The following SERPINF2 variants were observed in gnomAD, a reference collection of about 807,000 sequenced individuals.
The protein encoded by SERPINF2 is alpha-2-antiplasmin.
In SERPINF2, 15 loss-of-function variants were observed where a neutral mutation model predicts 45.0. The observed-to-expected ratio is 0.33, with a 90% CI of 0.22 to 0.51. The LOEUF (loss-of-function observed/expected upper bound fraction) is 0.51. Among genes scored for constraint, SERPINF2 ranks in the 20% least tolerant of loss-of-function variants. The pLI is 0.97. For missense variants in SERPINF2, 518 were observed against 637.4 expected, an observed-to-expected ratio of 0.81 and a Z score of 2.02; for synonymous variants, 283 against 277.9, an observed-to-expected ratio of 1.02 and a Z score of -0.18.
chr17:1,753,092 G>C (rs547081552), intron 9 of SERPINF2, among the ~76,000 whole-genome samples: 3 of 152,320 alleles, frequency 2.0e-5, no homozygotes, highest in African/African-American at 7.2e-5. Flanking sequence ...GGGGAAGGAG[G>C]AGAAGCTGGG....
intron 5 of SERPINF2, among the ~76,000 whole-genome samples, 171 bp from the exon 6 acceptor site, chr17:1,746,848 C>A (rs544300983): frequency 3.3e-5 from 5 of 152,270 alleles, no homozygotes; most frequent in African/African-American, 1.2e-4. Context: ...TGAGGTCACC[C>A]AGCCTGTCAG....
Position 1,745,756 on chromosome 17 carries a change from A to C in SERPINF2, c.214A>C (p.Arg72=). Residue 72 remains arginine, a synonymous_variant, in exon 5 of 10, where the codon AGA becomes CGA. Coordinates refer to ENST00000453066, the MANE Select transcript of SERPINF2 (RefSeq NM_000934.4). This position sits in a 1 kb window ranked among gnomAD's most constrained non-coding sequence, Gnocchi z 6.2. The part of the protein sequence containing the change: ...ALKSPPGVCS[R]DPTPEQTHRL... ...GAAGAGTCCCCCAGGAGTCTGCAGC[A>C]GAGACCCCACCCCAGAGCAGACCCA... 6.2e-7 allele frequency: 1 copy of C among 1,613,998 alleles called. No individual in the cohort carries two copies. Among genetic ancestry groups the C allele is most frequent in the Non-Finnish European group, 8.5e-7 (1 of 1,180,002 alleles).
rs1906723121 is a variant in SERPINF2, at chr17:1,754,858, C to A, written c.*324C>A. The A allele has an allele frequency of 2.3e-6, 1 of 432,040 alleles. No homozygotes were observed. 26.8% of individuals were successfully genotyped at this position (432,040 alleles called of 1,614,324 possible). ...CTGCTCCCCACGTCAGCTGGGACAC[C>A]CCGACTTTTGTTTACCAGAGAAAAA... is the stretch of plus-strand genomic sequence containing the variant. On this transcript the variant is annotated 3_prime_UTR_variant, in exon 10 of 10. Transcript: ENST00000453066.
rs1193544078 is a variant in SERPINF2 at position 1,754,890 on chromosome 17, G to A, written c.*356G>A. ...TTTGTTTACCAGAGAAAAAGGGAGG[G>A]GGAGAGGGCTGCCTTTGGACTTGTC... is the stretch of plus-strand genomic sequence containing the variant. On this transcript the variant is annotated 3_prime_UTR_variant, in exon 10 of 10. Transcript: ENST00000453066. 2.7e-6 allele frequency: 1 copy of A among 365,492 alleles called. No homozygotes were observed. The highest frequency in any genetic ancestry group is 5.0e-6 in the Non-Finnish European group (1 of 201,422). The allele number at this position is 365,492 out of a possible 1,614,324, so 22.6% of individuals were successfully genotyped here. A position where few individuals can be genotyped will look rare whatever the true frequency, so the allele number is the denominator to read the frequency against.
chr17:1,754,931 T>G lies in SERPINF2; in HGVS notation c.*397T>G. 3.9e-6 allele frequency: 1 copy of G among 256,504 alleles called. No homozygotes were observed. The highest frequency in any genetic ancestry group is 2.2e-5 in the African/African-American group (1 of 44,610). The allele number at this position is 256,504 out of a possible 1,614,324, so 15.9% of individuals were successfully genotyped here. On this transcript the variant is annotated 3_prime_UTR_variant, in exon 10 of 10. Coordinates refer to ENST00000453066, the MANE Select transcript of SERPINF2 (RefSeq NM_000934.4). Reference sequence around the variant, plus strand: ...TGGACTTGTCCCGGGACACCTAGGCTAGGGTGGGGAGAGACGGGCCCTGGT... The same window carrying G: ...TGGACTTGTCCCGGGACACCTAGGCGAGGGTGGGGAGAGACGGGCCCTGGT...
chr17:1,748,405 GA>G (rs2151191954), intron 7 of SERPINF2, among the ~76,000 whole-genome samples, 192 bp from the exon 8 acceptor site: 1 of 152,256 alleles, frequency 6.6e-6, no homozygotes, highest in South Asian at 2.1e-4. Context: ...AGAGACCTTA[GA>G]TCAATTGGAT....
rs1240073044 is a variant in SERPINF2 at position 1,745,679 on chromosome 17, C to A, written c.166-29C>A. 2 of 1,607,380 alleles carry A rather than the reference C, an allele frequency of 1.2e-6. No individual in the cohort carries two copies. The highest frequency in any genetic ancestry group is 4.5e-5 in the East Asian group (2 of 44,862). ...ACAGAACCTGGAGCTGACCCCTTGA[C>A]CTCCCTGACCCCTGATCTGTCCCTG... On this transcript the variant is annotated intron_variant, in intron 4 of 9. Transcript: ENST00000453066. This position sits in a 1 kb window ranked among gnomAD's most constrained non-coding sequence, Gnocchi z 6.2.
chr17:1,754,153 G>T lies in SERPINF2; in HGVS notation c.1095G>T (p.Leu365=). The T allele has an allele frequency of 1.2e-6, 2 of 1,609,216 alleles. No individual in the cohort carries two copies. The highest frequency in any genetic ancestry group is 8.5e-7 in the Non-Finnish European group (1 of 1,179,992). The change falls in exon 10 of 10, where the codon CTG becomes CTT. Residue 365 remains leucine (L), a synonymous_variant. Transcript: ENST00000453066. ...GLQELFQAPD[L]RGISEQSLVV... is the part of the protein sequence containing the mutation. ...AGGAGTTGTTCCAGGCCCCAGACCT[G>T]CGTGGGATCTCCGAGCAGAGCCTGG...
In SERPINF2 at chr17:1,745,186, G is replaced by C; in HGVS notation, c.75G>C (p.Val25=). 1 of 1,568,426 alleles carries C rather than the reference G, an allele frequency of 6.4e-7. No homozygotes were observed. Among genetic ancestry groups the C allele is most frequent in the Non-Finnish European group, 8.6e-7 (1 of 1,156,840 alleles). ...LQGPCSVFSP[V]SAMEPLGRQL... Reference sequence around the variant, plus strand: ...CCCTTTCTCCACAGTTCTCCCCTGTGAGCGCCATGGAGCCCTTGGGCCGGC... The same window carrying C: ...CCCTTTCTCCACAGTTCTCCCCTGTCAGCGCCATGGAGCCCTTGGGCCGGC... Residue 25 remains valine (V), a synonymous_variant, in exon 3 of 10, where the codon GTG becomes GTC. Transcript: ENST00000453066. This position sits in a 1 kb window ranked among gnomAD's most constrained non-coding sequence, Gnocchi z 6.2.
chr17:1,745,968 C>G lies in SERPINF2; in HGVS notation c.367+59C>G. ...CTGGGAGGCCAGTAGGAACTCAGTA[C>G]TCCAATGGTTCTCCGCGGGCGGTTC... On this transcript the variant is annotated intron_variant, in intron 5 of 9. Coordinates refer to ENST00000453066, the MANE Select transcript of SERPINF2 (RefSeq NM_000934.4). The surrounding 1 kb of genome is among the most constrained non-coding windows in gnomAD (Gnocchi z 6.2). 6.4e-7 allele frequency: 1 copy of G among 1,568,362 alleles called. No homozygotes were observed. Among genetic ancestry groups the G allele is most frequent in the Non-Finnish European group, 8.8e-7 (1 of 1,138,814 alleles).
Position 1,742,923 on chromosome 17 carries a change from G to C in SERPINF2, c.-5+15G>C, listed in dbSNP as rs1213652220. On this transcript the variant is annotated intron_variant, in intron 1 of 9. Coordinates refer to ENST00000453066, the MANE Select transcript of SERPINF2 (RefSeq NM_000934.4). ...AGCCCGCAGAGGTATGAGGGGAGGG[G>C]CTGCTCGGCCTGCTCCTTGGGTAGG... 3.0e-6 allele frequency: 3 copies of C among 985,310 alleles called. No individual in the cohort carries two copies. Among genetic ancestry groups the C allele is most frequent in the Non-Finnish European group, 3.6e-6 (3 of 830,012 alleles). The allele number at this position is 985,310 out of a possible 1,614,324, so 61.0% of individuals were successfully genotyped here.
intron 5 of SERPINF2, 110 bp from the exon 6 acceptor site, chr17:1,746,909 C>T (rs117378188): frequency 0.036 from 49,505 of 1,366,180 alleles, 1,020 homozygotes; most frequent in Non-Finnish European, 0.042. Flanking sequence ...GGAAGGATGG[C>T]GTGTGGTCCC....
intron 1 of SERPINF2, 153 bp from the exon 2 acceptor site, chr17:1,744,839 C>T (rs543115254): frequency 2.0e-5 from 20 of 985,438 alleles, no homozygotes; most frequent in Middle Eastern, 5.2e-4. Flanking sequence ...AGCCGCTGCT[C>T]GTGTGTTTGG....
intron 1 of SERPINF2, chr17:1,743,137 C>A: frequency 1.0e-6 from 1 of 974,188 alleles, no homozygotes; most frequent in Non-Finnish European, 1.2e-6. Flanking sequence ...CCGGGGGGAC[C>A]AAAGGATCCT....
chr17:1,754,674 GGA>G lies in SERPINF2; in HGVS notation c.*142_*143del. 1 of 473,436 alleles carries G rather than the reference GGA, an allele frequency of 2.1e-6. No individual in the cohort carries two copies. The highest frequency in any genetic ancestry group is 3.4e-6 in the Non-Finnish European group (1 of 298,118). 29.3% of individuals were successfully genotyped at this position (473,436 alleles called of 1,614,324 possible). ...GCCATTCTTTCCCAACACCTCTTGGGGAGTTTAGGGTGGGGGGGGGGCGCGGC... is the reference window on the plus strand; with the variant it reads ...GCCATTCTTTCCCAACACCTCTTGGGGTTTAGGGTGGGGGGGGGGCGCGGC... On this transcript the variant is annotated 3_prime_UTR_variant, in exon 10 of 10. Transcript: ENST00000453066.
intron 1 of SERPINF2, chr17:1,744,493 C>A: frequency 4.1e-6 from 4 of 970,184 alleles, no homozygotes; most frequent in Non-Finnish European, 4.9e-6. Context: ...AACTCCGTCT[C>A]AAAAAATAAA....
chr17:1,747,756 G>A (rs1378320803), intron 7 of SERPINF2, among the ~76,000 whole-genome samples: 2 of 152,092 alleles, frequency 1.3e-5, no homozygotes, highest in African/African-American at 4.8e-5. Flanking sequence ...TAGAGACAGG[G>A]TTTCACCATG....
In SERPINF2 at chr17:1,747,100, G is replaced by A. The variant is rs561979795; in HGVS notation, c.449G>A (p.Arg150His). 210 of 1,610,904 alleles carry A rather than the reference G, an allele frequency of 1.3e-4. 1 individual carries two copies. In the South Asian group the frequency reaches 1.9e-3, roughly 15 times the overall value. ...SGPCLPHLLSRLCQDLGPGAF... is the reference protein window; with the variant it reads ...SGPCLPHLLSHLCQDLGPGAF... ...CCCTGCCTCCCCCATCTGCTGAGCC[G>A]CCTCTGCCAGGACCTGGGCCCCGGC... The change falls in exon 6 of 10, where the codon CGC (arginine) becomes CAC (histidine). Residue 150 changes from arginine (R) to histidine (H), a missense_variant. Physicochemically the swap from Arg to His is conservative, Grantham distance 29 (BLOSUM62 0). This residue lies in a region of SERPINF2 where 435 missense variants were observed against 577.3 expected (regional missense o/e 0.75). Coordinates refer to ENST00000453066, the MANE Select transcript of SERPINF2 (RefSeq NM_000934.4).
chr17:1,746,997 C>T, intron 5 of SERPINF2, 22 bp from the exon 6 acceptor site: 1 of 1,602,172 alleles, frequency 6.2e-7, no homozygotes. Context: ...AGCCGGGCCT[C>T]AGCCTGTGCG....
Sources: allele counts gnomAD v4.1 joint callset (sites outside exome capture counted in the v4.1 genomes callset), GRCh38; gene constraint gnomAD v4.1.1; regional missense constraint gnomAD v4.1.1; non-coding constraint Gnocchi (gnomAD v3.1); transcripts MANE v1.5; gene names NCBI Gene and HGNC (gene_info 2026-07-23, HGNC 2026-07-21).